ZNF541: variants seen among roughly 807,000 people sequenced by gnomAD.
The protein encoded by ZNF541 is zinc finger protein 541.
ZNF541 carries 23 observed loss-of-function variants against 123.5 expected under a neutral mutation model. That is an observed-to-expected ratio of 0.19 (90% confidence interval 0.13 to 0.26). The LOEUF is 0.26. ZNF541 is among the 10% of genes least tolerant of loss of function. The probability of loss-of-function intolerance (pLI) is 1.00; values close to 1 mark genes in which losing one functional copy is unlikely to be tolerated. For missense variants in ZNF541, 1,612 were observed against 1,789.9 expected (o/e 0.90, Z 1.79); for synonymous variants, 751 against 754.5 (o/e 1.00, Z 0.08).
Position 47,544,323 on chromosome 19 carries a change from C to A in ZNF541, c.2206G>T (p.Ala736Ser), listed in dbSNP as rs1263947264. ...CGGTAGCCTCCACCCCGGGAGCAGG[C>A]TGGGCCCTTTTCACCTTTTGTGATC... The part of the protein sequence containing the change: ...SRITKGEKGP[A>S]CSRGGGYRLL... Residue 736 changes from alanine (A) to serine (S), a missense_variant, in exon 5 of 17, where the codon GCC (alanine) becomes TCC (serine). Physicochemically the swap from Ala to Ser is moderately conservative, Grantham distance 99. Around this residue, in one of 5 missense-constraint regions of ZNF541, gnomAD observed 1,080 missense variants for 1,013.8 expected, o/e 1.07. Coordinates refer to ENST00000391901, the MANE Select transcript of ZNF541 (RefSeq NM_001277075.3). The A allele has an allele frequency of 6.4e-7, 1 of 1,551,660 alleles. No individual in the cohort carries two copies. The highest frequency in any genetic ancestry group is 1.2e-5 in the South Asian group (1 of 84,064).
intron 5 of ZNF541, among the ~76,000 whole-genome samples, chr19:47,543,253 C>T (rs1289535049): frequency 6.6e-6 from 1 of 152,166 alleles, no homozygotes; most frequent in East Asian, 1.9e-4. Context: ...GCGTGCACCA[C>T]CATGCCCAAC....
chr19:47,543,834 G>C (rs1970185659), intron 5 of ZNF541, among the ~76,000 whole-genome samples: 1 of 151,960 alleles, frequency 6.6e-6, no homozygotes. Flanking sequence ...GGTAGAGACT[G>C]GGTTTCGCCA....
At chr19:47,565,486 T>G (rs1971227060) in intron 2 of ZNF541, among the ~76,000 whole-genome samples, 1 of 152,056 alleles carries the variant, frequency 6.6e-6, no homozygotes, top group African/African-American at 2.4e-5. Context: ...TGGAGGGGGA[T>G]TTAGTTCATA....
intron 3 of ZNF541, among the ~76,000 whole-genome samples, chr19:47,555,049 G>A (rs1476920372): frequency 6.8e-6 from 1 of 146,300 alleles, no homozygotes; most frequent in Non-Finnish European, 1.5e-5. Context: ...AGCCAAGAAT[G>A]CACCACTGTA....
intron 4 of ZNF541, among the ~76,000 whole-genome samples, chr19:47,547,330 T>C (rs975511602): frequency 3.9e-5 from 6 of 152,108 alleles, no homozygotes; most frequent in Admixed American, 3.9e-4. Context: ...AACAGCCAAA[T>C]GTGCCTATAG....
At chr19:47,539,124 G>A (rs1969963850) in intron 8 of ZNF541, among the ~76,000 whole-genome samples, 1 of 151,936 alleles carries the variant, frequency 6.6e-6, no homozygotes, top group Admixed American at 6.6e-5. Context: ...CACTGTCTGG[G>A]GACAGGCCTG....
rs924480926 is a variant in ZNF541 at position 47,555,886 on chromosome 19, G to C, written c.-30C>G. 1 of 1,526,614 alleles carries C rather than the reference G, an allele frequency of 6.6e-7. No individual in the cohort carries two copies. Among genetic ancestry groups the C allele is most frequent in the African/African-American group, 1.4e-5 (1 of 72,408 alleles). 94.6% of individuals were successfully genotyped at this position (1,526,614 alleles called of 1,614,324 possible). A position where few individuals can be genotyped will look rare whatever the true frequency, so the allele number is the denominator to read the frequency against. The stretch of plus-strand genomic sequence containing the variant: ...CTCCACTGCCAGGTCTTGGCCAAAA[G>C]CTACTCTCCAGATAAGCAAAACCAT... On this transcript the variant is annotated 5_prime_UTR_variant, in exon 3 of 17. Transcript: ENST00000391901.
chr19:47,563,870 T>A (rs1971161274), intron 2 of ZNF541, among the ~76,000 whole-genome samples: 1 of 152,128 alleles, frequency 6.6e-6, no homozygotes. Flanking sequence ...CCTCCCAAAG[T>A]GCTGGGATTA....
At chr19:47,533,232 C>T (rs547697975) in intron 9 of ZNF541, among the ~76,000 whole-genome samples, 6 of 151,326 alleles carry the variant, frequency 4.0e-5, no homozygotes, top group Non-Finnish European at 5.9e-5. Flanking sequence ...AGTAGCCGGG[C>T]GTGGTAGTGG....
chr19:47,560,993 G>A (rs967489946), intron 2 of ZNF541, among the ~76,000 whole-genome samples: 1 of 152,154 alleles, frequency 6.6e-6, no homozygotes, highest in Admixed American at 6.6e-5. Context: ...AAAAAAGAAA[G>A]ACAAGACTAC....
At chr19:47,572,267 C>A (rs747636063) in intron 1 of ZNF541, among the ~76,000 whole-genome samples, 9 of 151,848 alleles carry the variant, frequency 5.9e-5, no homozygotes, top group Non-Finnish European at 1.3e-4. Flanking sequence ...AGAATTTTAC[C>A]GGGAGAAACT....
At position 47,545,764 on chromosome 19, in the gene ZNF541, C is replaced by G; in HGVS notation, c.765G>C (p.Arg255=). ...ACCTGGCCTCTGGGGGCACCAGGGA[C>G]CGCAGGCTGCTGGGGGGCGGCTGGC... ...SAGQPPPSSL[R]SLVPPEARSP... Residue 255 remains arginine (R), a synonymous_variant, in exon 5 of 17, where the codon CGG becomes CGC. Coordinates refer to ENST00000391901, the MANE Select transcript of ZNF541 (RefSeq NM_001277075.3). The surrounding 1 kb of genome is among the most constrained non-coding windows in gnomAD (Gnocchi z 7.5). The G allele has an allele frequency of 6.5e-7, 1 of 1,541,706 alleles. No individual in the cohort carries two copies. The highest frequency in any genetic ancestry group is 8.7e-7 in the Non-Finnish European group (1 of 1,144,628).
intron 4 of ZNF541, among the ~76,000 whole-genome samples, chr19:47,546,228 C>T (rs1407212471): frequency 1.3e-5 from 2 of 148,902 alleles, no homozygotes; most frequent in African/African-American, 5.0e-5. Flanking sequence ...AAAAAACCAG[C>T]GGGGCACAGT....
At chr19:47,534,011 A>G (rs1969703484) in intron 9 of ZNF541, among the ~76,000 whole-genome samples, 1 of 152,162 alleles carries the variant, frequency 6.6e-6, no homozygotes, top group Non-Finnish European at 1.5e-5. Context: ...TTAAAGAATT[A>G]AAGGAAGGTA....
At chr19:47,531,259 T>TAGGTAG (rs1969560650) in intron 12 of ZNF541, among the ~76,000 whole-genome samples, 1 of 128,972 alleles carries the variant, frequency 7.8e-6, no homozygotes, top group Non-Finnish European at 1.7e-5. Context: ...GTCCTTGGAG[T>TAGGTAG]AGGTAGAGGC....
In ZNF541 at chr19:47,545,439, CG is replaced by C; in HGVS notation, c.1089del (p.Asp364ThrfsTer187). 1 of 1,476,224 alleles carries C rather than the reference CG, an allele frequency of 6.8e-7. No homozygotes were observed. Among genetic ancestry groups the C allele is most frequent in the Non-Finnish European group, 9.0e-7 (1 of 1,110,956 alleles). The allele number at this position is 1,476,224 out of a possible 1,614,324, so 91.4% of individuals were successfully genotyped here. On this transcript the variant is annotated frameshift_variant, in exon 5 of 17. Coordinates refer to ENST00000391901, the MANE Select transcript of ZNF541 (RefSeq NM_001277075.3). LOFTEE classifies it high-confidence loss of function. The surrounding 1 kb of genome is among the most constrained non-coding windows in gnomAD (Gnocchi z 7.5). ...GTATCTGGCTCCGGCTCTGGCGGGT[CG>C]GGGGCGCCGTTCTCGGCGGCCCTGG... ...PNSRAAENGA[P>X]DPPEPEPDTA...
chr19:47,545,817 C>G lies in ZNF541; in HGVS notation c.712G>C (p.Asp238His), dbSNP rs1260906192. The change falls in exon 5 of 17, where the codon GAC (aspartate) becomes CAC (histidine). Residue 238 changes from aspartate to histidine, a missense_variant. By Grantham distance (81) the Asp-to-His change is moderately conservative (BLOSUM62 -1). Coordinates refer to ENST00000391901, the MANE Select transcript of ZNF541 (RefSeq NM_001277075.3). This position sits in a 1 kb window ranked among gnomAD's most constrained non-coding sequence, Gnocchi z 7.5. ...GCCGACTCGTGGGCGTGGGGGGAGTCCCCGCAGGCCTCTTCCTCCGGGGGG... is the reference window on the plus strand; with the variant it reads ...GCCGACTCGTGGGCGTGGGGGGAGTGCCCGCAGGCCTCTTCCTCCGGGGGG... ...EAPPEEEACG[D>H]SPHAHESAGQ... The G allele has an allele frequency of 6.5e-6, 10 of 1,546,402 alleles. No individual in the cohort carries two copies. The highest frequency in any genetic ancestry group is 1.4e-5 in the African/African-American group (1 of 72,926).
chr19:47,564,369 G>A (rs1264748198), intron 2 of ZNF541, among the ~76,000 whole-genome samples: 3 of 152,118 alleles, frequency 2.0e-5, no homozygotes, highest in East Asian at 3.9e-4. Context: ...CCTCTCTACC[G>A]ATACTGAGCT....
chr19:47,538,717 A>C (rs984715089), intron 8 of ZNF541, among the ~76,000 whole-genome samples: 8 of 152,132 alleles, frequency 5.3e-5, no homozygotes, highest in African/African-American at 1.9e-4. Context: ...CCTTAAAAAG[A>C]GAGAGATCCC....
Sources: allele counts gnomAD v4.1 joint callset (sites outside exome capture counted in the v4.1 genomes callset), GRCh38; gene constraint gnomAD v4.1.1; regional missense constraint gnomAD v4.1.1; non-coding constraint Gnocchi (gnomAD v3.1); transcripts MANE v1.5; gene names NCBI Gene and HGNC (gene_info 2026-07-23, HGNC 2026-07-21).